Variants in STPG2 observed in about 807,000 individuals in gnomAD.
STPG2 encodes the protein sperm-tail PG-rich repeat-containing protein 2.
STPG2 carries 56 observed loss-of-function variants against 54.2 expected under a neutral mutation model. The ratio of observed to expected loss-of-function variants is 1.03; its 90% CI spans 0.83 to 1.29. STPG2 has a LOEUF of 1.29. Among genes scored for constraint, STPG2 ranks in the 50% most tolerant of loss-of-function variants. The pLI is 0.00. For synonymous variants in STPG2, 200 were observed against 181.8 expected (o/e 1.10, Z -0.81); for missense variants, 596 against 544.9 (o/e 1.09, Z -0.93).
chr4:97,794,190 T>TA (rs1727094976), intron 9 of STPG2, among the ~76,000 whole-genome samples: 1 of 152,088 alleles, frequency 6.6e-6, no homozygotes, highest in Non-Finnish European at 1.5e-5. Context: ...TCTTTATGTG[T>TA]AAAAAAGACT....
chr4:98,142,176 T>A (rs368196874), intron 1 of STPG2, among the ~76,000 whole-genome samples: 1 of 152,168 alleles, frequency 6.6e-6, no homozygotes, highest in East Asian at 1.9e-4. Context: ...CAATTCAACA[T>A]GTGAAACACT....
chr4:98,139,237 C>T (rs1310587384), intron 1 of STPG2, among the ~76,000 whole-genome samples: 4 of 152,036 alleles, frequency 2.6e-5, no homozygotes, highest in Non-Finnish European at 5.9e-5. Context: ...AATCGAGTTT[C>T]AATTAAGGTA....
At chr4:97,444,069 G>T (rs1388245388) in intron 4 of STPG2, among the ~76,000 whole-genome samples, 2 of 151,930 alleles carry the variant, frequency 1.3e-5, no homozygotes, top group African/African-American at 4.8e-5. Context: ...CTAAAGAGAG[G>T]ATTTTTGAAC....
At chr4:98,005,882 C>T (rs1042576351) in intron 5 of STPG2, among the ~76,000 whole-genome samples, 1 of 152,096 alleles carries the variant, frequency 6.6e-6, no homozygotes, top group Non-Finnish European at 1.5e-5. Flanking sequence ...TCTGGGCTAA[C>T]AAAATGAGTT....
intron 10 of STPG2, among the ~76,000 whole-genome samples, chr4:97,621,810 T>C (rs1734018400): frequency 6.6e-6 from 1 of 152,024 alleles, no homozygotes; most frequent in Non-Finnish European, 1.5e-5. Flanking sequence ...CCAGGCCTGG[T>C]AGCCACACAA....
At chr4:98,057,953 C>T (rs554231655) in intron 5 of STPG2, among the ~76,000 whole-genome samples, 3 of 152,214 alleles carry the variant, frequency 2.0e-5, no homozygotes, top group African/African-American at 4.8e-5. Context: ...TCTAGCCAAA[C>T]AAAGTTTCAA....
intron 4 of STPG2, among the ~76,000 whole-genome samples, chr4:97,514,106 G>A (rs1731027977): frequency 6.6e-6 from 1 of 152,126 alleles, no homozygotes; most frequent in African/African-American, 2.4e-5. Flanking sequence ...AAGCTTGGAA[G>A]GTAAACAGAT....
chr4:97,542,092 A>C (rs1182434039), intron 4 of STPG2, among the ~76,000 whole-genome samples: 1 of 152,214 alleles, frequency 6.6e-6, no homozygotes, highest in East Asian at 1.9e-4. Context: ...CACCAAAAGC[A>C]AGGGCAACAA....
At chr4:97,607,739 A>C (rs1292813718) in intron 10 of STPG2, among the ~76,000 whole-genome samples, 1 of 152,048 alleles carries the variant, frequency 6.6e-6, no homozygotes, top group Non-Finnish European at 1.5e-5. Context: ...ACCGTAATAG[A>C]ATTGTGTTGA....
At chr4:97,923,760 C>T (rs1732224253) in intron 8 of STPG2, among the ~76,000 whole-genome samples, 1 of 152,174 alleles carries the variant, frequency 6.6e-6, no homozygotes, top group African/African-American at 2.4e-5. Flanking sequence ...CACTCTGTGT[C>T]TAGCTCAGGG....
At chr4:97,732,051 TG>T (rs1724813559) in intron 9 of STPG2, among the ~76,000 whole-genome samples, 1 of 152,126 alleles carries the variant, frequency 6.6e-6, no homozygotes, top group Non-Finnish European at 1.5e-5. Flanking sequence ...GAAGATTAGA[TG>T]GGCCCCAGTC....
chr4:97,554,951 G>C (rs1243662565), downstream of STPG2, among the ~76,000 whole-genome samples: 3 of 152,080 alleles, frequency 2.0e-5, no homozygotes, highest in East Asian at 5.8e-4. Flanking sequence ...TGGTTATTTT[G>C]AGAAGCTGCA....
chr4:97,774,112 A>G (rs1726300604), intron 9 of STPG2, among the ~76,000 whole-genome samples: 1 of 152,052 alleles, frequency 6.6e-6, no homozygotes, highest in African/African-American at 2.4e-5. Context: ...ATTTACAAAA[A>G]TTTCTTTAAA....
chr4:97,746,328 C>A (rs892332069), intron 9 of STPG2, among the ~76,000 whole-genome samples: 1 of 151,088 alleles, frequency 6.6e-6, no homozygotes, highest in Non-Finnish European at 1.5e-5. Context: ...TATTTAAGTC[C>A]ATGAATTTTA....
At chr4:97,571,369 G>A (rs939657212) in intron 10 of STPG2, among the ~76,000 whole-genome samples, 1 of 152,070 alleles carries the variant, frequency 6.6e-6, no homozygotes, top group African/African-American at 2.4e-5. Flanking sequence ...CCAAGAGACT[G>A]TTTCAGGCCA....
chr4:98,017,760 G>A (rs1736012963), intron 5 of STPG2, among the ~76,000 whole-genome samples: 1 of 152,278 alleles, frequency 6.6e-6, no homozygotes, highest in Admixed American at 6.5e-5. Flanking sequence ...GGGAGGACCT[G>A]GTGGGAGGAG....
chr4:98,078,292 G>A (rs1159540563), intron 5 of STPG2, among the ~76,000 whole-genome samples: 3 of 151,850 alleles, frequency 2.0e-5, no homozygotes, highest in African/African-American at 7.3e-5. Flanking sequence ...ATTTTTCTTG[G>A]AAACTTATAT....
chr4:98,139,705 A>C (rs1740229337), intron 1 of STPG2, among the ~76,000 whole-genome samples: 1 of 152,212 alleles, frequency 6.6e-6, no homozygotes, highest in Non-Finnish European at 1.5e-5. Context: ...GCAGCTGCTC[A>C]AATTTCCCCA....
At chr4:97,980,640 G>GC (rs1344001974) in intron 6 of STPG2, among the ~76,000 whole-genome samples, 1 of 152,116 alleles carries the variant, frequency 6.6e-6, no homozygotes, top group Non-Finnish European at 1.5e-5. Context: ...ATATATAATA[G>GC]AAAAGCCTGT....
Sources: gnomAD v4.1 joint callset for allele counts (sites outside exome capture counted in the v4.1 genomes callset) on GRCh38, gnomAD v4.1.1 for gene constraint, MANE v1.5 for transcripts, NCBI Gene and HGNC (gene_info 2026-07-23, HGNC 2026-07-21) for gene names.